GABRG2: variants seen among roughly 807,000 people sequenced by gnomAD.
The protein encoded by GABRG2 is gamma-aminobutyric acid type A receptor subunit gamma2.
In GABRG2, 16 loss-of-function variants were observed where a neutral mutation model predicts 56.4. That is an observed-to-expected ratio of 0.28 (90% CI 0.19 to 0.43). GABRG2 has a LOEUF of 0.43. Ranked by LOEUF, GABRG2 falls within the 20% of genes least tolerant of loss-of-function variation. The probability of loss-of-function intolerance (pLI) is 1.00; values close to 1 mark genes in which losing one functional copy is unlikely to be tolerated. For synonymous variants in GABRG2, 208 were observed against 205.5 expected (o/e 1.01, Z -0.10); for missense variants, 327 against 582.7 (o/e 0.56, Z 4.52).
intron 1 of GABRG2, among the ~76,000 whole-genome samples, chr5:162,079,568 A>ATAATCCT (rs925265411): frequency 6.6e-6 from 1 of 152,064 alleles, no homozygotes; most frequent in Non-Finnish European, 1.5e-5. Context: ...CAAGGCAAAC[A>ATAATCCT]TAATCCTTGC....
chr5:162,142,055 A>C (rs973982178), intron 6 of GABRG2, 109 bp from the exon 7 acceptor site: 1 of 1,376,962 alleles, frequency 7.3e-7, no homozygotes, highest in Non-Finnish European at 1.0e-6. Flanking sequence ...CCACTTGTAG[A>C]AAACTCTTAA....
intron 6 of GABRG2, among the ~76,000 whole-genome samples, chr5:162,136,733 C>G (rs912684087): frequency 2.6e-5 from 4 of 152,142 alleles, no homozygotes; most frequent in African/African-American, 9.7e-5. Context: ...CCTGGGCTTT[C>G]TCCGAAGAGG....
intron 2 of GABRG2, 188 bp downstream of exon 2, chr5:162,094,167 A>C: frequency 1.7e-6 from 1 of 604,692 alleles, no homozygotes; most frequent in Non-Finnish European, 2.9e-6. Context: ...ATTCAAAATG[A>C]AGAAATATTA....
chr5:162,126,546 C>T (rs956381798), intron 6 of GABRG2, among the ~76,000 whole-genome samples: 2 of 151,938 alleles, frequency 1.3e-5, no homozygotes, highest in African/African-American at 4.8e-5. Flanking sequence ...TCCCTCTGCA[C>T]ACCAAAGGTG....
chr5:162,094,166 G>A, intron 2 of GABRG2, 187 bp downstream of exon 2: 1 of 600,814 alleles, frequency 1.7e-6, no homozygotes, highest in East Asian at 2.9e-5. Context: ...CATTCAAAAT[G>A]AAGAAATATT....
chr5:162,085,180 C>A (rs932564439), intron 1 of GABRG2, among the ~76,000 whole-genome samples: 8 of 151,862 alleles, frequency 5.3e-5, no homozygotes, highest in African/African-American at 1.9e-4. Flanking sequence ...TTTATTTACC[C>A]ATTTTACTGT....
chr5:162,094,060 T>C, intron 2 of GABRG2, 81 bp downstream of exon 2: 1 of 1,446,886 alleles, frequency 6.9e-7, no homozygotes, highest in South Asian at 1.1e-5. Context: ...ATCAGTGTAG[T>C]TCAAGAGCAA....
rs1554099534 is a variant in GABRG2 at position 162,124,958 on chromosome 5, A to ATGTGTGTGTATGTG, written c.770-17197_770-17196insATGTGTGTGTGTGT. ...TTGCTGTTCTTTCTGGTATAAAGAG[A>ATGTGTGTGTATGTG]TGTGTGTGTGTGTGTGTGTGTGTGT... On this transcript the variant is annotated intron_variant, in intron 6 of 9. Transcript: ENST00000639213. Among the ~76,000 whole-genome samples the ATGTGTGTGTATGTG allele has an allele frequency of 9.7e-5, 14 of 143,888 alleles. 1 individual carries two copies. Among genetic ancestry groups the ATGTGTGTGTATGTG allele is most frequent in the African/African-American group, 3.1e-4 (12 of 39,172 alleles). The allele number at this position is 143,888 out of a possible 152,430, so 94.4% of individuals were successfully genotyped here.
intron 6 of GABRG2, among the ~76,000 whole-genome samples, chr5:162,115,998 G>A (rs1762589881): frequency 6.6e-6 from 1 of 151,940 alleles, no homozygotes; most frequent in African/African-American, 2.4e-5. Context: ...AGTTGACAGA[G>A]AGGGTAAGAA....
chr5:162,126,503 T>C (rs1763349623), intron 6 of GABRG2, among the ~76,000 whole-genome samples: 5 of 151,974 alleles, frequency 3.3e-5, no homozygotes, highest in Admixed American at 3.3e-4. Flanking sequence ...GTTAAAACTT[T>C]GGGAAAGGCA....
At chr5:162,071,679 A>G (rs371005229) in intron 1 of GABRG2, among the ~76,000 whole-genome samples, 2 of 152,062 alleles carry the variant, frequency 1.3e-5, no homozygotes, top group South Asian at 4.1e-4. Flanking sequence ...TTGATTCTTC[A>G]ATATACCCTT....
At chr5:162,098,857 C>T (rs1375387140) in intron 4 of GABRG2, 1 of 152,162 alleles carries the variant, frequency 6.6e-6, no homozygotes, top group Non-Finnish European at 1.5e-5. Context: ...TCTCCCCCGA[C>T]CTTGACATCA....
At chr5:162,088,049 C>T (rs550745263) in intron 1 of GABRG2, among the ~76,000 whole-genome samples, 2 of 152,194 alleles carry the variant, frequency 1.3e-5, no homozygotes, top group South Asian at 2.1e-4. Flanking sequence ...TGTGCACACT[C>T]ATGCATAGAG....
intron 6 of GABRG2, among the ~76,000 whole-genome samples, chr5:162,116,110 A>ATGTG (rs34083256): frequency 0.1 from 13,047 of 126,976 alleles, 1,038 homozygotes; most frequent in African/African-American, 0.22. Flanking sequence ...GTGTGCGTGC[A>ATGTG]TGTGTGTGTG....
At chr5:162,129,257 A>G (rs1251416082) in intron 6 of GABRG2, 3 of 152,134 alleles carry the variant, frequency 2.0e-5, no homozygotes, top group South Asian at 4.1e-4. Context: ...TGAATTTGAC[A>G]TTGGGTAAGG....
rs2113652064 is a variant in GABRG2 at position 162,153,437 on chromosome 5, C to T, written c.*69C>T. ...CATGGAGAGATGTCTGTTCTAAGTC[C>T]ACTTAAATAATCCTCTATGTGGTTG... On this transcript the variant is annotated 3_prime_UTR_variant, in exon 10 of 10. Transcript: ENST00000639213. The T allele has an allele frequency of 6.5e-7, 1 of 1,526,974 alleles. No homozygotes were observed. Among genetic ancestry groups the T allele is most frequent in the Non-Finnish European group, 9.1e-7 (1 of 1,101,866 alleles). 94.6% of individuals were successfully genotyped at this position (1,526,974 alleles called of 1,614,324 possible).
chr5:162,101,774 C>A (rs562236369), intron 5 of GABRG2: 1 of 164,812 alleles, frequency 6.1e-6, no homozygotes, highest in Admixed American at 5.7e-5. Context: ...ACTTGACACA[C>A]ATAAGATCAA....
chr5:162,085,727 C>T (rs998572223), intron 1 of GABRG2, among the ~76,000 whole-genome samples: 6 of 151,890 alleles, frequency 4.0e-5, no homozygotes, highest in Admixed American at 6.6e-5. Context: ...TCTCCCTCCT[C>T]CTACCCTTCA....
At chr5:162,152,336 G>A (rs1036147790) in intron 9 of GABRG2, 4 of 314,470 alleles carry the variant, frequency 1.3e-5, no homozygotes, top group African/African-American at 2.2e-5. Context: ...ATTCTGAGAC[G>A]TTAGAATTTC....
Sources: gnomAD v4.1 joint callset for allele counts (sites outside exome capture counted in the v4.1 genomes callset) on GRCh38, gnomAD v4.1.1 for gene constraint, MANE v1.5 for transcripts, NCBI Gene and HGNC (gene_info 2026-07-23, HGNC 2026-07-21) for gene names.